The following CEMIP2 variants were observed in gnomAD, a reference collection of about 807,000 sequenced individuals.
CEMIP2 encodes the protein cell migration inducing hyaluronidase 2.
Under a neutral mutation model 146.9 loss-of-function variants are expected in CEMIP2, and 79 were observed. The observed-to-expected ratio is 0.54, with a 90% CI of 0.45 to 0.65. CEMIP2 has a LOEUF of 0.65. Ranked by LOEUF, CEMIP2 falls within the 30% of genes least tolerant of loss-of-function variation. CEMIP2 has a pLI of 0.00. For missense variants in CEMIP2, 1,596 were observed against 1,696.2 expected, an observed-to-expected ratio of 0.94 and a Z score of 1.04; for synonymous variants, 601 against 606.3, an observed-to-expected ratio of 0.99 and a Z score of 0.13.
At chr9:71,689,075 G>T (rs955541979) in intron 22 of CEMIP2, among the ~76,000 whole-genome samples, 5 of 152,188 alleles carry the variant, frequency 3.3e-5, no homozygotes, top group African/African-American at 1.2e-4. Flanking sequence ...CTTGTGGTGA[G>T]ATTTATGTCC....
chr9:71,704,554 T>C (rs767281430), intron 18 of CEMIP2, 41 bp downstream of exon 18: 3 of 1,604,602 alleles, frequency 1.9e-6, no homozygotes, highest in Non-Finnish European at 1.7e-6. Context: ...ACTAAATTAC[T>C]ACTTGCTCAA....
chr9:71,704,301 C>G (rs1255639715), intron 18 of CEMIP2: 1 of 349,228 alleles, frequency 2.9e-6, no homozygotes, highest in Non-Finnish European at 5.3e-6. Flanking sequence ...AAAACTACTT[C>G]CCATCCCAGC....
At chr9:71,705,809 G>T in intron 17 of CEMIP2, among the ~76,000 whole-genome samples, 1 of 149,788 alleles carries the variant, frequency 6.7e-6, no homozygotes, top group East Asian at 1.9e-4. Flanking sequence ...ATATGTGTAT[G>T]TGTGTGTGTA....
In CEMIP2 at chr9:71,709,369, C is replaced by T; in HGVS notation, c.2875G>A (p.Gly959Arg). ...IFHDIDGSVT[G>R]YKDAYVGRMD... ...CTTCCCACATAAGCATCCTTGTATC[C>T]TGTCACAGAGCCATCAATGTCATGG... The change falls in exon 17 of 24, where the codon GGA (glycine) becomes AGA (arginine). Residue 959 changes from glycine (G) to arginine (R), a missense_variant. Coordinates refer to ENST00000377044, the MANE Select transcript of CEMIP2 (RefSeq NM_013390.3). The T allele has an allele frequency of 6.2e-7, 1 of 1,614,186 alleles. No individual in the cohort carries two copies. The highest frequency in any genetic ancestry group is 1.1e-5 in the South Asian group (1 of 91,084).
In CEMIP2 at chr9:71,716,520, G is replaced by T; in HGVS notation, c.2432C>A (p.Ala811Asp). The T allele has an allele frequency of 6.3e-7, 1 of 1,589,446 alleles. No individual in the cohort carries two copies. The highest frequency in any genetic ancestry group is 8.5e-7 in the Non-Finnish European group (1 of 1,169,602). The change falls in exon 14 of 24, where the codon GCC becomes GAC. Residue 811 changes from alanine (A) to aspartate (D), a missense_variant. Physicochemically the swap from Ala to Asp is moderately radical, Grantham distance 126. Transcript: ENST00000377044. The stretch of plus-strand genomic sequence containing the variant: ...GTATTTTTAAGCAATTACAAACCTG[G>T]CAAAGGTCAGTCCTATTCCATTATC... ...FADNGIGLTF[A>D]SDGSFPSDEG...
chr9:71,699,462 A>AAAAAG (rs547056149), intron 19 of CEMIP2: 21,035 of 416,214 alleles, frequency 0.051, 1,951 homozygotes, highest in African/African-American at 0.29. Context: ...TAAAAAAAAA[A>AAAAAG]AAAGAAAGAA....
chr9:71,761,839 G>T (rs1478350723), intron 1 of CEMIP2, among the ~76,000 whole-genome samples: 3 of 152,198 alleles, frequency 2.0e-5, no homozygotes, highest in African/African-American at 7.2e-5. Flanking sequence ...GGGCTGAGGA[G>T]GTGATTGCTT....
chr9:71,728,282 T>TATAC (rs1823488800), intron 10 of CEMIP2, among the ~76,000 whole-genome samples: 1 of 10,112 alleles, frequency 9.9e-5, no homozygotes, highest in African/African-American at 2.0e-4. Context: ...TATATATATG[T>TATAC]ATATATATAT....
At chr9:71,690,468 C>T (rs775668054) in intron 21 of CEMIP2, among the ~76,000 whole-genome samples, 2 of 152,236 alleles carry the variant, frequency 1.3e-5, no homozygotes, top group Non-Finnish European at 2.9e-5. Flanking sequence ...TGTTTGCTGA[C>T]TGGAGAACCT....
chr9:71,717,055 C>G (rs1018269249), intron 13 of CEMIP2, among the ~76,000 whole-genome samples: 3 of 152,018 alleles, frequency 2.0e-5, no homozygotes, highest in Non-Finnish European at 2.9e-5. Context: ...GCCTGTGGTC[C>G]CAGCTACTCG....
intron 1 of CEMIP2, among the ~76,000 whole-genome samples, chr9:71,760,790 T>A (rs910347206): frequency 2.0e-5 from 3 of 152,150 alleles, no homozygotes; most frequent in East Asian, 3.9e-4. Context: ...AGTAAAGAAC[T>A]AGAAGATAAA....
intron 2 of CEMIP2, among the ~76,000 whole-genome samples, chr9:71,747,286 T>C (rs1257529966): frequency 6.6e-6 from 1 of 152,200 alleles, no homozygotes; most frequent in Admixed American, 6.5e-5. Context: ...AGCTCACATT[T>C]CCTCAGAGTT....
intron 7 of CEMIP2, among the ~76,000 whole-genome samples, chr9:71,731,426 T>C (rs1823613165): frequency 1.3e-5 from 2 of 152,206 alleles, no homozygotes; most frequent in African/African-American, 4.8e-5. Flanking sequence ...GGAATAGTAC[T>C]GATCGACATT....
In CEMIP2 at chr9:71,694,542, T is replaced by C. The variant is rs148496376; in HGVS notation, c.3663A>G (p.Ala1221=). 1,099 of 1,614,028 alleles carry C rather than the reference T, an allele frequency of 6.8e-4. 1 individual carries two copies. The highest frequency in any genetic ancestry group is 1.1e-3 in the South Asian group (96 of 91,068). The change falls in exon 21 of 24, where the codon GCA becomes GCG. Residue 1221 remains alanine (A), a synonymous_variant. Transcript: ENST00000377044. ...LPVQFQSPDK[A]ETQRGDPSVI... is the part of the protein sequence containing the mutation. Reference sequence around the variant, plus strand: ...CAGACGGGTCTCCACGCTGGGTTTCTGCTTTATCAGGTGACTGGAATTGCA... The same window carrying C: ...CAGACGGGTCTCCACGCTGGGTTTCCGCTTTATCAGGTGACTGGAATTGCA...
At chr9:71,767,812 G>T (rs1824841456) in intron 1 of CEMIP2, among the ~76,000 whole-genome samples, 1 of 152,174 alleles carries the variant, frequency 6.6e-6, no homozygotes, top group Non-Finnish European at 1.5e-5. Context: ...TAACAGAGAG[G>T]CAGGGGGCGG....
chr9:71,762,641 G>A (rs1273736910), intron 1 of CEMIP2, among the ~76,000 whole-genome samples: 1 of 151,958 alleles, frequency 6.6e-6, no homozygotes, highest in Non-Finnish European at 1.5e-5. Context: ...CTCAGACTCA[G>A]CCAAGCCCTG....
intron 12 of CEMIP2, among the ~76,000 whole-genome samples, chr9:71,719,923 A>G (rs539109435): frequency 6.6e-6 from 1 of 151,692 alleles, no homozygotes; most frequent in South Asian, 2.1e-4. Context: ...TGAACTTCCT[A>G]TCAATATAAA....
intron 20 of CEMIP2, among the ~76,000 whole-genome samples, chr9:71,696,859 C>A (rs1223309582): frequency 6.7e-6 from 1 of 149,836 alleles, no homozygotes; most frequent in African/African-American, 2.4e-5. Flanking sequence ...CCTGGTCTTA[C>A]TGCCATGAAT....
In CEMIP2 at chr9:71,734,819, C is replaced by G. The variant is rs1823716208; in HGVS notation, c.1380G>C (p.Gln460His). 6.2e-7 allele frequency: 1 copy of G among 1,606,620 alleles called. No individual in the cohort carries two copies. The highest frequency in any genetic ancestry group is 1.3e-5 in the African/African-American group (1 of 74,566). The change falls in exon 6 of 24, where the codon CAG becomes CAC. Residue 460 changes from glutamine (Q) to histidine (H), a missense_variant. Gln to His is a conservative substitution (Grantham distance 24, BLOSUM62 0). Transcript: ENST00000377044. ...GCAGTTTAATACCTTTGACTTTGACCTGAAAATGGCTGCATTCAGAACAGG... is the reference window on the plus strand; with the variant it reads ...GCAGTTTAATACCTTTGACTTTGACGTGAAAATGGCTGCATTCAGAACAGG... Reference protein sequence around the residue: ...LLPCSECSHFQVKVKETPQFL... With the variant: ...LLPCSECSHFHVKVKETPQFL...
Sources: allele counts gnomAD v4.1 joint callset (sites outside exome capture counted in the v4.1 genomes callset), GRCh38; gene constraint gnomAD v4.1.1; transcripts MANE v1.5; gene names NCBI Gene and HGNC (gene_info 2026-07-23, HGNC 2026-07-21).